RYK: variants seen among roughly 807,000 people sequenced by gnomAD.
RYK encodes the protein inactive tyrosine-protein kinase RYK.
Under a neutral mutation model 70.2 loss-of-function variants are expected in RYK, and 21 were observed. The ratio of observed to expected loss-of-function variants is 0.30; its 90% CI spans 0.21 to 0.43. RYK has a LOEUF of 0.43. Ranked by LOEUF, RYK falls within the 20% of genes least tolerant of loss-of-function variation. RYK has a pLI of 1.00. For synonymous variants in RYK, 267 were observed against 278.0 expected, an observed-to-expected ratio of 0.96 and a Z score of 0.39; for missense variants, 604 against 753.3, an observed-to-expected ratio of 0.80 and a Z score of 2.32.
At chr3:134,191,219 C>A (rs1008905550) in intron 8 of RYK, among the ~76,000 whole-genome samples, 7 of 152,180 alleles carry the variant, frequency 4.6e-5, no homozygotes, top group Admixed American at 3.9e-4. Context: ...CTAATCAATA[C>A]CCTCCAATTC....
At chr3:134,209,262 G>A (rs1230677072) in intron 4 of RYK, among the ~76,000 whole-genome samples, 2 of 152,138 alleles carry the variant, frequency 1.3e-5, no homozygotes, top group Non-Finnish European at 1.5e-5. Context: ...CCTCAGAGAG[G>A]TTAAGTAACT....
intron 5 of RYK, 69 bp from the exon 6 acceptor site, chr3:134,202,943 T>TG: frequency 7.8e-7 from 1 of 1,277,838 alleles, no homozygotes; most frequent in Non-Finnish European, 1.1e-6. Flanking sequence ...CCAATATACA[T>TG]AAATAAGTAT....
At chr3:134,214,221 C>T (rs904102397) in intron 2 of RYK, among the ~76,000 whole-genome samples, 1 of 152,194 alleles carries the variant, frequency 6.6e-6, no homozygotes, top group African/African-American at 2.4e-5. Flanking sequence ...CTTCAATATT[C>T]AGTATTCAAT....
chr3:134,195,212 A>T (rs1023811411), intron 6 of RYK, 30 bp from the exon 7 acceptor site: 11 of 1,523,072 alleles, frequency 7.2e-6, no homozygotes, highest in Non-Finnish European at 1.0e-5. Context: ...GAAATATTTG[A>T]CAAGTCAGTT....
At position 134,222,596 on chromosome 3, in the gene RYK, C is replaced by CT. The variant is rs916670166; in HGVS notation, c.233-58dup. On this transcript the variant is annotated intron_variant, in intron 1 of 14. Coordinates refer to ENST00000623711, the MANE Select transcript of RYK (RefSeq NM_002958.4). ...ACTTAAAATATTCTCAAAATCATCC[C>CT]TATCAGTATTTCAAATACAAATAGA... 4.4e-5 allele frequency: 60 copies of CT among 1,354,922 alleles called. No individual in the cohort carries two copies. The African/African-American group carries it at 8.4e-4, about 19-fold the overall frequency. 83.9% of individuals were successfully genotyped at this position (1,354,922 alleles called of 1,614,324 possible).
intron 1 of RYK, among the ~76,000 whole-genome samples, chr3:134,227,032 GA>G (rs2014928386): frequency 6.6e-6 from 1 of 152,114 alleles, no homozygotes; most frequent in Admixed American, 6.5e-5. Flanking sequence ...CATATGTATA[GA>G]AAACACTGTG....
chr3:134,184,091 T>C (rs1461466365), intron 9 of RYK, among the ~76,000 whole-genome samples: 1 of 152,198 alleles, frequency 6.6e-6, no homozygotes, highest in Non-Finnish European at 1.5e-5. Context: ...GATTATGGCC[T>C]ATTCTGTTGC....
chr3:134,219,211 C>T (rs1035711576), intron 2 of RYK, among the ~76,000 whole-genome samples: 5 of 152,108 alleles, frequency 3.3e-5, no homozygotes, highest in African/African-American at 1.2e-4. Flanking sequence ...TATATTCACC[C>T]GAGCCCCTCC....
intron 4 of RYK, among the ~76,000 whole-genome samples, chr3:134,208,505 T>C (rs1295653911): frequency 6.6e-6 from 1 of 152,200 alleles, no homozygotes; most frequent in Admixed American, 6.5e-5. Flanking sequence ...CTGAATATAG[T>C]AGAACTGAAA....
chr3:134,235,579 G>A (rs954720540), intron 1 of RYK, among the ~76,000 whole-genome samples: 3 of 151,304 alleles, frequency 2.0e-5, no homozygotes, highest in Admixed American at 6.6e-5. Flanking sequence ...CCCATCATAC[G>A]CTTGAAAAAA....
At chr3:134,166,918 C>G (rs2012694244) in intron 13 of RYK, among the ~76,000 whole-genome samples, 1 of 151,230 alleles carries the variant, frequency 6.6e-6, no homozygotes, top group South Asian at 2.1e-4. Context: ...TTAAATAAAA[C>G]TAAACAATAT....
chr3:134,168,857 C>T (rs972827041), intron 13 of RYK, among the ~76,000 whole-genome samples: 1 of 152,104 alleles, frequency 6.6e-6, no homozygotes, highest in African/African-American at 2.4e-5. Flanking sequence ...AGACTACTTT[C>T]CATGGGTATA....
chr3:134,241,058 CA>C (rs1283829706), intron 1 of RYK, among the ~76,000 whole-genome samples: 1 of 151,572 alleles, frequency 6.6e-6, no homozygotes, highest in Non-Finnish European at 1.5e-5. Flanking sequence ...TGGTGGCTCA[CA>C]CCTGTAATCC....
intron 2 of RYK, 23 bp from the exon 3 acceptor site, chr3:134,211,630 C>A: frequency 6.6e-7 from 1 of 1,507,626 alleles, no homozygotes. Flanking sequence ...CAAAAATAAA[C>A]AAAATGGACC....
intron 13 of RYK, among the ~76,000 whole-genome samples, chr3:134,161,015 G>A (rs2012451731): frequency 6.6e-6 from 1 of 152,132 alleles, no homozygotes; most frequent in Non-Finnish European, 1.5e-5. Flanking sequence ...TTCTTCATGT[G>A]GAAAGAAAAT....
intron 6 of RYK, among the ~76,000 whole-genome samples, chr3:134,199,361 A>G (rs1021517696): frequency 1.3e-5 from 2 of 152,272 alleles, no homozygotes; most frequent in Non-Finnish European, 2.9e-5. Flanking sequence ...AACGGAGTTC[A>G]TGAATGTAAA....
intron 1 of RYK, among the ~76,000 whole-genome samples, chr3:134,227,049 T>G (rs2014929008): frequency 6.6e-6 from 1 of 152,200 alleles, no homozygotes; most frequent in African/African-American, 2.4e-5. Flanking sequence ...CTGTGAAATC[T>G]ACTAAAATAC....
At chr3:134,188,794 G>A (rs1475593819) in intron 9 of RYK, 43 bp downstream of exon 9, 1 of 1,229,414 alleles carries the variant, frequency 8.1e-7, no homozygotes, top group Non-Finnish European at 1.2e-6. Context: ...AGCCACCTGA[G>A]ACAGAAGAGC....
intron 11 of RYK, among the ~76,000 whole-genome samples, chr3:134,177,481 A>G (rs2013145503): frequency 6.6e-6 from 1 of 152,116 alleles, no homozygotes; most frequent in African/African-American, 2.4e-5. Flanking sequence ...GAAGAGAAAC[A>G]CTCTTAGATG....
Sources: allele counts gnomAD v4.1 joint callset (sites outside exome capture counted in the v4.1 genomes callset), GRCh38; gene constraint gnomAD v4.1.1; transcripts MANE v1.5; gene names NCBI Gene and HGNC (gene_info 2026-07-23, HGNC 2026-07-21).